Variants in CHLSN observed in about 807,000 individuals in gnomAD.
CHLSN encodes protein cholesin.
At chr7:1,008,932 C>T in the CHLSN span, among the ~76,000 whole-genome samples, 2 of 149,182 alleles carry the variant, frequency 1.3e-5, no homozygotes, top group Non-Finnish European at 3.0e-5. Flanking sequence ...CATGCGCATA[C>T]ATGCACACGC....
At chr7:1,054,735 C>A in the CHLSN span, among the ~76,000 whole-genome samples, 1 of 152,218 alleles carries the variant, frequency 6.6e-6, no homozygotes, top group South Asian at 2.1e-4. Context: ...AGAGCCCTCG[C>A]AGGAGGCTCC....
the CHLSN span, among the ~76,000 whole-genome samples, chr7:1,119,147 C>T: frequency 2.1e-3 from 327 of 152,192 alleles, 1 homozygote; most frequent in African/African-American, 6.9e-3. Context: ...GATATTCTAA[C>T]CAGGATTCTA....
At chr7:987,286 C>A in the CHLSN span, 1 of 1,507,766 alleles carries the variant, frequency 6.6e-7, no homozygotes, top group South Asian at 1.2e-5. Flanking sequence ...CTTCTGCCCC[C>A]GGGGGACCCC....
the CHLSN span, chr7:985,026 G>C: frequency 6.2e-7 from 1 of 1,612,072 alleles, no homozygotes; most frequent in African/African-American, 1.3e-5. Flanking sequence ...GCCTGGGCGT[G>C]GGCCGGGAGC....
At chr7:995,389 C>G in the CHLSN span, among the ~76,000 whole-genome samples, 1 of 152,212 alleles carries the variant, frequency 6.6e-6, no homozygotes, top group Admixed American at 6.5e-5. Context: ...TCTGTGCTGT[C>G]GAAGGGAGGC....
At chr7:1,012,598 G>A in the CHLSN span, among the ~76,000 whole-genome samples, 1 of 152,244 alleles carries the variant, frequency 6.6e-6, no homozygotes, top group African/African-American at 2.4e-5. Context: ...CCCCGAGGGA[G>A]CCACTGTGGC....
At chr7:1,016,123 ACAG>A in the CHLSN span, among the ~76,000 whole-genome samples, 8 of 92,274 alleles carry the variant, frequency 8.7e-5, 2 homozygotes, top group Admixed American at 6.7e-4. Flanking sequence ...ACAGCAGCAC[ACAG>A]CAGCACACGC....
the CHLSN span, among the ~76,000 whole-genome samples, chr7:1,069,326 G>T: frequency 2.6e-5 from 4 of 151,698 alleles, no homozygotes; most frequent in Non-Finnish European, 4.4e-5. Context: ...GCGAAACTCC[G>T]TCTCAAAAAA....
At chr7:981,632 C>A in the CHLSN span, among the ~76,000 whole-genome samples, 1 of 151,620 alleles carries the variant, frequency 6.6e-6, no homozygotes, top group African/African-American at 2.4e-5. Context: ...GAGAATCGCT[C>A]CAACCCGGGA....
chr7:1,134,518 G>A, the CHLSN span, among the ~76,000 whole-genome samples: 60 of 152,002 alleles, frequency 3.9e-4, no homozygotes, highest in African/African-American at 1.4e-3. Context: ...ACAGTGAGCC[G>A]AGATCGCGCC....
At chr7:997,904 G>A in the CHLSN span, 25 of 1,148,080 alleles carry the variant, frequency 2.2e-5, no homozygotes, top group Non-Finnish European at 2.9e-5. Flanking sequence ...CGGGCCTCAG[G>A]CTTCCGTCCT....
chr7:985,266 G>A, the CHLSN span: 59 of 1,551,872 alleles, frequency 3.8e-5, no homozygotes, highest in East Asian at 9.0e-4. Context: ...CCGTGTTTGT[G>A]TCCCTGCTGG....
chr7:1,027,745 TCCTCTA>T, the CHLSN span, among the ~76,000 whole-genome samples: 35 of 151,610 alleles, frequency 2.3e-4, no homozygotes, highest in African/African-American at 8.1e-4. Flanking sequence ...CCCGACGGGG[TCCTCTA>T]CCCCGGCACA....
chr7:1,113,452 A>G, the CHLSN span, among the ~76,000 whole-genome samples: 13 of 151,994 alleles, frequency 8.6e-5, no homozygotes, highest in African/African-American at 3.1e-4. Context: ...CAGGTGTGCG[A>G]CCCACATGGC....
chr7:1,000,295 G>A, the CHLSN span, among the ~76,000 whole-genome samples: 1 of 148,118 alleles, frequency 6.8e-6, no homozygotes, highest in Non-Finnish European at 1.5e-5. Flanking sequence ...CTGCCCCGCC[G>A]TGCACAGACC....
the CHLSN span, among the ~76,000 whole-genome samples, chr7:992,299 C>A: frequency 6.6e-6 from 1 of 152,224 alleles, no homozygotes; most frequent in Non-Finnish European, 1.5e-5. Context: ...GCTGCACGTG[C>A]CTCCCATTAC....
chr7:1,122,045 C>T, the CHLSN span, among the ~76,000 whole-genome samples: 25 of 152,342 alleles, frequency 1.6e-4, no homozygotes, highest in East Asian at 2.1e-3. Context: ...GAGGCTCCGC[C>T]GGCTCGCAGC....
At chr7:1,086,005 C>T in the CHLSN span, among the ~76,000 whole-genome samples, 19 of 152,208 alleles carry the variant, frequency 1.2e-4, no homozygotes, top group Admixed American at 3.9e-4. Context: ...AAGTTACTTA[C>T]CCGCCCAGTG....
the CHLSN span, chr7:1,044,742 G>A: frequency 1.3e-5 from 2 of 152,318 alleles, no homozygotes; most frequent in Non-Finnish European, 2.9e-5. Context: ...CCAAGCTGCT[G>A]TGGCTCCCAC....
Sources: allele counts gnomAD v4.1 joint callset (sites outside exome capture counted in the v4.1 genomes callset), GRCh38; gene constraint gnomAD v4.1.1; transcripts MANE v1.5; gene names NCBI Gene and HGNC (gene_info 2026-07-23, HGNC 2026-07-21).